The following DLEU7 variants were observed in gnomAD, a reference collection of about 807,000 sequenced individuals.
DLEU7 encodes leukemia-associated protein 7.
In DLEU7, 17 loss-of-function variants were observed where a neutral mutation model predicts 16.0. The ratio of observed to expected loss-of-function variants is 1.06; its 90% CI spans 0.73 to 1.59. DLEU7 has a LOEUF of 1.59. Ranked by LOEUF, DLEU7 falls within the 40% of genes most tolerant of loss-of-function variation. DLEU7 has a pLI of 0.00. For synonymous variants in DLEU7, 113 were observed against 139.8 expected (o/e 0.81, Z 1.35); for missense variants, 308 against 314.9 (o/e 0.98, Z 0.17).
At chr13:50,754,336 T>C (rs979491856) in intron 1 of DLEU7, among the ~76,000 whole-genome samples, 1 of 152,204 alleles carries the variant, frequency 6.6e-6, no homozygotes, top group African/African-American at 2.4e-5. Flanking sequence ...GTAATTGTTT[T>C]ATAAATTTGG....
intron 1 of DLEU7, among the ~76,000 whole-genome samples, chr13:50,720,996 T>C (rs1161413616): frequency 2.6e-5 from 4 of 152,164 alleles, no homozygotes; most frequent in Non-Finnish European, 5.9e-5. Flanking sequence ...TGTCTAAGGG[T>C]GTTGCCAAAG....
rs374739375 is a variant in DLEU7, at chr13:50,832,354, G to A, written c.460-8834C>T. 5.9e-5 allele frequency among the ~76,000 whole-genome samples: 9 copies of A among 152,110 alleles called. No individual in the cohort carries two copies. The East Asian group carries it at 1.5e-3, about 26-fold the overall frequency. ...ATAGCCCCTTTATCATTTTTATTGT[G>A]TCTATTTGATTCTTCTCTCTTTTCT... On this transcript the variant is annotated intron_variant, in intron 1 of 1. Coordinates refer to ENST00000504404, the MANE Select transcript of DLEU7 (RefSeq NM_001306135.2).
chr13:50,824,655 T>C (rs1877023543), intron 1 of DLEU7, among the ~76,000 whole-genome samples: 1 of 152,128 alleles, frequency 6.6e-6, no homozygotes, highest in South Asian at 2.1e-4. Flanking sequence ...CACACAGTCA[T>C]TTGACTTTGG....
chr13:50,775,573 G>A (rs903429149), intron 1 of DLEU7, among the ~76,000 whole-genome samples: 3 of 152,054 alleles, frequency 2.0e-5, no homozygotes, highest in Non-Finnish European at 4.4e-5. Context: ...CCAATTATTT[G>A]AGGGAAATTT....
At chr13:50,800,531 T>C (rs545095972) in intron 1 of DLEU7, among the ~76,000 whole-genome samples, 1 of 152,214 alleles carries the variant, frequency 6.6e-6, no homozygotes, top group African/African-American at 2.4e-5. Context: ...CAAACAGAGC[T>C]GCCTTCACTC....
intron 1 of DLEU7, among the ~76,000 whole-genome samples, chr13:50,789,291 C>T (rs1262413041): frequency 4.7e-5 from 7 of 150,406 alleles, no homozygotes. Flanking sequence ...TCTGCTGCTG[C>T]CCGTGCTCCT....
intron 1 of DLEU7, among the ~76,000 whole-genome samples, chr13:50,826,107 A>C (rs1448142357): frequency 2.0e-5 from 3 of 149,964 alleles, no homozygotes; most frequent in Non-Finnish European, 4.4e-5. Context: ...GGAGCACACA[A>C]CCTAGATCCT....
chr13:50,773,574 C>T (rs1411192455), intron 1 of DLEU7, among the ~76,000 whole-genome samples: 1 of 151,630 alleles, frequency 6.6e-6, no homozygotes, highest in Non-Finnish European at 1.5e-5. Context: ...ACTCCAGACC[C>T]TGTTTGCCTG....
intron 1 of DLEU7, among the ~76,000 whole-genome samples, 185 bp from the exon 2 acceptor site, chr13:50,823,705 G>T (rs1183901503): frequency 1.3e-5 from 2 of 152,104 alleles, no homozygotes; most frequent in African/African-American, 4.8e-5. Context: ...CAACTCCAGG[G>T]CCCAGGCCAA....
intron 1 of DLEU7, among the ~76,000 whole-genome samples, chr13:50,741,855 C>G (rs1874258578): frequency 6.6e-6 from 1 of 152,132 alleles, no homozygotes; most frequent in Non-Finnish European, 1.5e-5. Context: ...ATTTTACAGA[C>G]TTTTCTTTCA....
intron 1 of DLEU7, among the ~76,000 whole-genome samples, chr13:50,738,291 T>C (rs1816248340): frequency 6.6e-6 from 1 of 152,142 alleles, no homozygotes; most frequent in African/African-American, 2.4e-5. Flanking sequence ...TTTTTCATAA[T>C]AAAACATTGG....
chr13:50,805,322 A>G (rs1388541226), intron 1 of DLEU7, among the ~76,000 whole-genome samples: 1 of 152,162 alleles, frequency 6.6e-6, no homozygotes. Context: ...CATGATTTTT[A>G]ATCTATTAGT....
At chr13:50,750,448 A>T (rs945835542) in intron 1 of DLEU7, among the ~76,000 whole-genome samples, 1 of 151,076 alleles carries the variant, frequency 6.6e-6, no homozygotes, top group Non-Finnish European at 1.5e-5. Flanking sequence ...GAATTTTAGA[A>T]TTTTTTTTTC....
chr13:50,717,983 A>C lies in DLEU7; in HGVS notation c.460-4743T>G, dbSNP rs115098609. ...GGGAAAATTTAAAATCTTGCTGCTC[A>C]AAGTGCTTCTTAAACAGCCTCATCA... On this transcript the variant is annotated intron_variant, in intron 1 of 1. Coordinates refer to the DLEU7 transcript ENST00000400393. Among the ~76,000 whole-genome samples, 1,161 of 152,330 alleles carry C rather than the reference A, an allele frequency of 7.6e-3. 15 individuals carry two copies. Among genetic ancestry groups the C allele is most frequent in the African/African-American group, 0.026 (1,096 of 41,576 alleles).
chr13:50,795,596 A>G (rs1483115699), intron 1 of DLEU7, among the ~76,000 whole-genome samples: 1 of 152,162 alleles, frequency 6.6e-6, no homozygotes, highest in African/African-American at 2.4e-5. Context: ...CTAAATTTAA[A>G]CTGTACTTCA....
intron 1 of DLEU7, among the ~76,000 whole-genome samples, chr13:50,823,765 T>G (rs1876994832): frequency 6.6e-6 from 1 of 152,164 alleles, no homozygotes; most frequent in Admixed American, 6.6e-5. Context: ...CCAAGGCCAA[T>G]AGGCCACAGG....
At chr13:50,756,125 G>T (rs1566240226) in intron 1 of DLEU7, among the ~76,000 whole-genome samples, 1 of 152,220 alleles carries the variant, frequency 6.6e-6, no homozygotes, top group Non-Finnish European at 1.5e-5. Flanking sequence ...TTGCAGGGGG[G>T]TGAAATGGAC....
At chr13:50,716,549 T>C (rs1873443198) in intron 1 of DLEU7, among the ~76,000 whole-genome samples, 1 of 152,202 alleles carries the variant, frequency 6.6e-6, no homozygotes, top group African/African-American at 2.4e-5. Flanking sequence ...ATTAGACTAG[T>C]TATTGTTCTA....
At chr13:50,834,880 A>C (rs532680220) in intron 1 of DLEU7, among the ~76,000 whole-genome samples, 1 of 152,318 alleles carries the variant, frequency 6.6e-6, no homozygotes, top group Admixed American at 6.5e-5. Flanking sequence ...GGATGAGTTC[A>C]TGTCCTTTGC....
Sources: gnomAD v4.1 joint callset for allele counts (sites outside exome capture counted in the v4.1 genomes callset) on GRCh38, gnomAD v4.1.1 for gene constraint, MANE v1.5 for transcripts, NCBI Gene and HGNC (gene_info 2026-07-23, HGNC 2026-07-21) for gene names.